The following KLF7 variants were observed in gnomAD, a reference collection of about 807,000 sequenced individuals.
KLF7 encodes Krueppel-like factor 7.
KLF7 carries 2 observed loss-of-function variants against 27.3 expected under a neutral mutation model. That is an observed-to-expected ratio of 0.07 (90% CI 0.03 to 0.23). The LOEUF (loss-of-function observed/expected upper bound fraction) is 0.23. KLF7 is among the 10% of genes least tolerant of loss of function. The probability of loss-of-function intolerance (pLI) is 1.00; values close to 1 mark genes in which losing one functional copy is unlikely to be tolerated. For synonymous variants in KLF7, 165 were observed against 162.4 expected, an observed-to-expected ratio of 1.02 and a Z score of -0.12; for missense variants, 221 against 394.1, an observed-to-expected ratio of 0.56 and a Z score of 3.72.
chr2:207,101,145 T>C (rs2076756053), intron 2 of KLF7, among the ~76,000 whole-genome samples: 1 of 152,264 alleles, frequency 6.6e-6, no homozygotes, highest in Non-Finnish European at 1.5e-5. Flanking sequence ...CTTAGACTTC[T>C]GGTCTAACTC....
At chr2:207,110,021 G>A (rs1422428860) in intron 2 of KLF7, 1 of 154,816 alleles carries the variant, frequency 6.5e-6, no homozygotes, top group Non-Finnish European at 1.5e-5. Context: ...CAAGGACAAT[G>A]CCATACGATT....
At chr2:207,137,805 T>C (rs1219488560) in intron 1 of KLF7, among the ~76,000 whole-genome samples, 2 of 152,200 alleles carry the variant, frequency 1.3e-5, no homozygotes, top group African/African-American at 2.4e-5. Context: ...CTTTCTCTTA[T>C]TCATTATGTC....
At chr2:207,098,407 A>G (rs2076680551) in intron 2 of KLF7, among the ~76,000 whole-genome samples, 2 of 152,226 alleles carry the variant, frequency 1.3e-5, no homozygotes, top group African/African-American at 4.8e-5. Context: ...ACTCATTTGT[A>G]GAACATTTTC....
rs1374726618 is a variant in KLF7 at position 207,079,743 on chromosome 2, G to A, written c.*1470C>T. 1.8e-5 allele frequency: 2 copies of A among 108,916 alleles called. No homozygotes were observed. The highest frequency in any genetic ancestry group is 6.3e-5 in the African/African-American group (2 of 31,690). 6.7% of individuals were successfully genotyped at this position (108,916 alleles called of 1,614,324 possible). A position where few individuals can be genotyped will look rare whatever the true frequency, so the allele number is the denominator to read the frequency against. On this transcript the variant is annotated 3_prime_UTR_variant, in exon 4 of 4. Coordinates refer to ENST00000309446, the MANE Select transcript of KLF7 (RefSeq NM_003709.4). ...GGTTCTAGGTCACAAGTCATGGTGG[G>A]CCTAGCCAAAAAAAAAAGGAAAGAA...
At chr2:207,139,530 G>A (rs752545223) in intron 1 of KLF7, among the ~76,000 whole-genome samples, 1 of 151,876 alleles carries the variant, frequency 6.6e-6, no homozygotes, top group African/African-American at 2.4e-5. Flanking sequence ...TTCCACCAAG[G>A]ATCTCAAAAC....
chr2:207,164,950 T>C (rs2078660362), intron 1 of KLF7, among the ~76,000 whole-genome samples: 1 of 152,076 alleles, frequency 6.6e-6, no homozygotes, highest in Non-Finnish European at 1.5e-5. Context: ...CTATTCTTTA[T>C]TGACACTCGC....
At chr2:207,081,522 T>C (rs116740184) in intron 3 of KLF7, among the ~76,000 whole-genome samples, 23 of 152,318 alleles carry the variant, frequency 1.5e-4, no homozygotes, top group Non-Finnish European at 2.4e-4. Flanking sequence ...GGGATAATTA[T>C]AGCATTTACC....
intron 2 of KLF7, among the ~76,000 whole-genome samples, chr2:207,120,230 G>C (rs749450468): frequency 1.3e-5 from 2 of 152,016 alleles, no homozygotes; most frequent in African/African-American, 2.4e-5. Context: ...CAAAAATTTT[G>C]AAGGATTCAG....
At chr2:207,139,750 G>A (rs745898063) in intron 1 of KLF7, among the ~76,000 whole-genome samples, 12 of 152,190 alleles carry the variant, frequency 7.9e-5, no homozygotes, top group Admixed American at 3.9e-4. Context: ...TGCAATTTCC[G>A]AGTTCTCTCT....
chr2:207,144,235 G>C (rs1017195184), intron 1 of KLF7, among the ~76,000 whole-genome samples: 3 of 151,522 alleles, frequency 2.0e-5, no homozygotes, highest in Non-Finnish European at 4.4e-5. Flanking sequence ...ATTTGGCATA[G>C]ACTTCCAAAA....
At chr2:207,116,559 T>C (rs183787964) in intron 2 of KLF7, among the ~76,000 whole-genome samples, 2 of 152,354 alleles carry the variant, frequency 1.3e-5, no homozygotes, top group East Asian at 3.9e-4. Context: ...AAGCTCCACA[T>C]AGCTTTCCTT....
upstream of KLF7, chr2:207,166,412 G>T: frequency 6.4e-6 from 1 of 155,526 alleles, no homozygotes; most frequent in Non-Finnish European, 1.4e-5. Context: ...AAGGGACAGG[G>T]AGGGTCGTGG....
chr2:207,079,033 TTC>T lies in KLF7; in HGVS notation c.*2178_*2179del, dbSNP rs1454665136. The T allele has an allele frequency of 6.8e-6, 1 of 147,878 alleles. No individual in the cohort carries two copies. Among genetic ancestry groups the T allele is most frequent in the East Asian group, 2.0e-4 (1 of 4,910 alleles). 9.2% of individuals were successfully genotyped at this position (147,878 alleles called of 1,614,324 possible). A position where few individuals can be genotyped will look rare whatever the true frequency, so the allele number is the denominator to read the frequency against. On this transcript the variant is annotated 3_prime_UTR_variant, in exon 4 of 4. Transcript: ENST00000309446. Reference sequence around the variant, plus strand: ...GTGTGCGCGTGTGTGTTAACGGGTGTTCTTTCTTTTTTTTTCGTTTTGTATTA... The same window carrying T: ...GTGTGCGCGTGTGTGTTAACGGGTGTTTTCTTTTTTTTTCGTTTTGTATTA...
rs180688162 is a variant in KLF7, at chr2:207,081,909, G to A, written c.858-645C>T. ...TGCTCACAGTTATTGAGTATGTTAC[G>A]ATATGTAGGCACTATGCTAAGGGTT... On this transcript the variant is annotated intron_variant, in intron 3 of 3. Transcript: ENST00000309446. 1.4e-3 allele frequency among the ~76,000 whole-genome samples: 207 copies of A among 149,970 alleles called. 1 individual carries two copies. The highest frequency in any genetic ancestry group is 2.5e-3 in the Non-Finnish European group (167 of 67,704).
At chr2:207,152,272 TACACAC>T (rs67380335) in intron 1 of KLF7, among the ~76,000 whole-genome samples, 364 of 150,574 alleles carry the variant, frequency 2.4e-3, no homozygotes, top group African/African-American at 8.0e-3. Context: ...ATGTTTTTCT[TACACAC>T]ACACACACAC....
intron 3 of KLF7, among the ~76,000 whole-genome samples, chr2:207,087,880 G>A (rs548312655): frequency 6.6e-6 from 1 of 152,114 alleles, no homozygotes; most frequent in Non-Finnish European, 1.5e-5. Flanking sequence ...ATTACAGGAG[G>A]AGTTCTCAAA....
intron 1 of KLF7, among the ~76,000 whole-genome samples, chr2:207,134,633 T>C (rs1285274699): frequency 2.0e-5 from 3 of 152,154 alleles, no homozygotes; most frequent in Non-Finnish European, 4.4e-5. Context: ...TTTCCCACAA[T>C]GTTTAAGGTG....
At chr2:207,095,357 T>C (rs944463648) in intron 2 of KLF7, among the ~76,000 whole-genome samples, 1 of 152,198 alleles carries the variant, frequency 6.6e-6, no homozygotes, top group Non-Finnish European at 1.5e-5. Context: ...CTGTTTTTGT[T>C]CTTAAAACAA....
At chr2:207,154,970 C>T (rs549725342) in intron 1 of KLF7, among the ~76,000 whole-genome samples, 1 of 152,286 alleles carries the variant, frequency 6.6e-6, no homozygotes, top group African/African-American at 2.4e-5. Context: ...CATACTGGGC[C>T]ACTGACTGCC....
Sources: gnomAD v4.1 joint callset for allele counts (sites outside exome capture counted in the v4.1 genomes callset) on GRCh38, gnomAD v4.1.1 for gene constraint, MANE v1.5 for transcripts, NCBI Gene and HGNC (gene_info 2026-07-23, HGNC 2026-07-21) for gene names.